ABCA10: variants seen among roughly 807,000 people sequenced by gnomAD.
ABCA10 encodes the protein ATP-binding cassette sub-family A member 10.
Under a neutral mutation model 187.5 loss-of-function variants are expected in ABCA10, and 169 were observed. That is an observed-to-expected ratio of 0.90 (90% CI 0.80 to 1.02). The LOEUF is 1.02. Ranked by LOEUF, ABCA10 falls within the 50% of genes least tolerant of loss-of-function variation. The pLI, the probability that ABCA10 is intolerant of heterozygous loss-of-function variation, is 0.00. For synonymous variants in ABCA10, 574 were observed against 601.8 expected, an observed-to-expected ratio of 0.95 and a Z score of 0.68; for missense variants, 1,727 against 1,812.4, an observed-to-expected ratio of 0.95 and a Z score of 0.86.
rs757531482 is a variant in ABCA10, at chr17:69,150,025, T to C, written c.4436A>G (p.Asp1479Gly). 15 of 1,613,148 alleles carry C rather than the reference T, an allele frequency of 9.3e-6. No homozygotes were observed. In the African/African-American group the frequency reaches 1.9e-4, roughly 20 times the overall value. Residue 1479 changes from aspartate (D) to glycine (G), a missense_variant, in exon 37 of 39, where the codon GAT (aspartate) becomes GGT (glycine). By Grantham distance (94) the Asp-to-Gly change is moderately conservative. Coordinates refer to ENST00000690296, the MANE Select transcript of ABCA10 (RefSeq NM_001377321.1). ...SLMAYKLPVE[D>G]VHPLSRAFFK... is the part of the protein sequence containing the mutation. Reference sequence around the variant, plus strand: ...AAAGGCCCGAGATAGAGGGTGGACATCCTCCACAGGTAACTTATACGCCAT... The same window carrying C: ...AAAGGCCCGAGATAGAGGGTGGACACCCTCCACAGGTAACTTATACGCCAT...
Position 69,152,443 on chromosome 17 carries a change from C to T in ABCA10, c.4175G>A (p.Gly1392Asp). Residue 1392 changes from glycine to aspartate, a missense_variant, in exon 35 of 39, where the codon GGC (glycine) becomes GAC (aspartate). Physicochemically the swap from Gly to Asp is moderately conservative, Grantham distance 94 (BLOSUM62 -1). Coordinates refer to ENST00000690296, the MANE Select transcript of ABCA10 (RefSeq NM_001377321.1). ...LQATVKNKER[G>D]TLLTTHYMSE... ...CATGTAATGGGTGGTCAAGAGGGTG[C>T]CCCTCTCCTTGTTTTTAACGGTAGC... is the stretch of plus-strand genomic sequence containing the variant. 1.2e-6 allele frequency: 2 copies of T among 1,613,664 alleles called. No homozygotes were observed. The highest frequency in any genetic ancestry group is 1.7e-6 in the Non-Finnish European group (2 of 1,179,760).
intron 11 of ABCA10, among the ~76,000 whole-genome samples, chr17:69,195,874 G>C (rs1247434562): frequency 6.6e-6 from 1 of 151,956 alleles, no homozygotes; most frequent in African/African-American, 2.4e-5. Context: ...CAAGGGGTTG[G>C]GGGTAAGGCC....
intron 30 of ABCA10, 28 bp from the exon 31 acceptor site, chr17:69,154,354 T>G (rs1044178662): frequency 3.3e-6 from 5 of 1,537,832 alleles, no homozygotes; most frequent in Non-Finnish European, 4.4e-6. Flanking sequence ...CATCAATATT[T>G]GAATTTTCAA....
rs1190921653 is a variant in ABCA10, at chr17:69,226,329, T to C, written c.-171-800A>G. On this transcript the variant is annotated intron_variant, in intron 2 of 38. Coordinates refer to ENST00000690296, the MANE Select transcript of ABCA10 (RefSeq NM_001377321.1). ...GGATTGACATACTTTTTTTAAATTC[T>C]AGTGAGTAATAAATATAGATGTATC... is the stretch of plus-strand genomic sequence containing the variant. Among the ~76,000 whole-genome samples, 4 of 152,036 alleles carry C rather than the reference T, an allele frequency of 2.6e-5. No homozygotes were observed. The East Asian group carries it at 7.7e-4, about 29-fold the overall frequency.
chr17:69,198,453 C>G (rs1429600615), intron 10 of ABCA10, among the ~76,000 whole-genome samples: 1 of 152,124 alleles, frequency 6.6e-6, no homozygotes, highest in Non-Finnish European at 1.5e-5. Flanking sequence ...TCACGTGAGC[C>G]AAGCATATAC....
chr17:69,179,266 G>C (rs552502786), intron 22 of ABCA10, among the ~76,000 whole-genome samples: 1 of 152,024 alleles, frequency 6.6e-6, no homozygotes, highest in South Asian at 2.1e-4. Context: ...CCCCATGTAA[G>C]AGACCTACCT....
rs1399101665 is a variant in ABCA10 at position 69,197,199 on chromosome 17, C to T, written c.1176-77G>A. On this transcript the variant is annotated intron_variant, in intron 10 of 38. Coordinates refer to ENST00000690296, the MANE Select transcript of ABCA10 (RefSeq NM_001377321.1). ...ACACAGATTACAGTTCATAACTAAG[C>T]CTGAACTTCACAGTAAAGGGTATCA... 8 of 1,176,096 alleles carry T rather than the reference C, an allele frequency of 6.8e-6. No individual in the cohort carries two copies. In the South Asian group the frequency reaches 6.9e-5, roughly 10 times the overall value. 72.9% of individuals were successfully genotyped at this position (1,176,096 alleles called of 1,614,324 possible).
At chr17:69,201,790 A>C in intron 9 of ABCA10, 122 bp from the exon 10 acceptor site, 1 of 909,428 alleles carries the variant, frequency 1.1e-6, no homozygotes, top group Non-Finnish European at 1.5e-6. Flanking sequence ...ATTTATATTT[A>C]TAATTTTTTT....
Position 69,182,214 on chromosome 17 carries a change from G to T in ABCA10, c.2708C>A (p.Ala903Asp). The part of the protein sequence containing the change: ...FPVLMGIVSN[A>D]LMGIFNFTEL... ...CGTGAAGTTAAAAATTCCCATAAGGGCATTGCTAACAATTCCCATAAGAAC... is the reference window on the plus strand; with the variant it reads ...CGTGAAGTTAAAAATTCCCATAAGGTCATTGCTAACAATTCCCATAAGAAC... The change falls in exon 22 of 39, where the codon GCC (alanine) becomes GAC (aspartate). Residue 903 changes from alanine to aspartate, a missense_variant. Coordinates refer to ENST00000690296, the MANE Select transcript of ABCA10 (RefSeq NM_001377321.1). 2 of 1,599,520 alleles carry T rather than the reference G, an allele frequency of 1.3e-6. No homozygotes were observed. The highest frequency in any genetic ancestry group is 1.3e-5 in the African/African-American group (1 of 74,316).
In ABCA10 at chr17:69,153,985, A is replaced by G; in HGVS notation, c.3811T>C (p.Ser1271Pro). 4 of 1,613,878 alleles carry G rather than the reference A, an allele frequency of 2.5e-6. No homozygotes were observed. Among genetic ancestry groups the G allele is most frequent in the Non-Finnish European group, 3.4e-6 (4 of 1,179,886 alleles). The change falls in exon 32 of 39, where the codon TCA becomes CCA. Residue 1271 changes from serine (S) to proline (P), a missense_variant. Transcript: ENST00000690296. ...CTGTTGTCATGCTGTTGCCTTACTG[A>G]TGCTCTGCTGCCTTGTAACACCACC... is the stretch of plus-strand genomic sequence containing the variant. ...GVVVLQGSRA[S>P]VRQQHDNSLK...
chr17:69,162,359 GGCAACA>G, intron 27 of ABCA10, among the ~76,000 whole-genome samples: 1 of 152,184 alleles, frequency 6.6e-6, no homozygotes, highest in East Asian at 1.9e-4. Context: ...AAAGGTCATG[GGCAACA>G]GTTTTTTGGA....
At chr17:69,219,388 T>A (rs746256950) in intron 6 of ABCA10, among the ~76,000 whole-genome samples, 157 bp downstream of exon 6, 5 of 152,218 alleles carry the variant, frequency 3.3e-5, no homozygotes, top group Non-Finnish European at 7.3e-5. Context: ...AATCCTTACT[T>A]ACTTTCTACT....
chr17:69,190,464 G>A lies in ABCA10; in HGVS notation c.2025C>T (p.Asp675=), dbSNP rs1568062001. The A allele has an allele frequency of 1.9e-6, 3 of 1,572,888 alleles. No individual in the cohort carries two copies. The highest frequency in any genetic ancestry group is 2.6e-6 in the Non-Finnish European group (3 of 1,167,982). Residue 675 remains aspartate, a synonymous_variant, in exon 18 of 39, where the codon GAC becomes GAT. Coordinates refer to ENST00000690296, the MANE Select transcript of ABCA10 (RefSeq NM_001377321.1). ...TGCCCTGGTCAGAACACTTATCAAG[G>A]TCACTGTAAAGATCTAAAAAGCCAA... is the stretch of plus-strand genomic sequence containing the variant. ...KTNKFPDLYS[D]LDKCSDQGIR...
upstream of ABCA10, chr17:69,228,925 G>C (rs150785829): frequency 3.5e-4 from 53 of 152,032 alleles, no homozygotes; most frequent in African/African-American, 1.2e-3. Context: ...ATTTACAATT[G>C]CATGGATAAC....
chr17:69,215,717 G>C, intron 8 of ABCA10, 98 bp downstream of exon 8: 1 of 1,166,150 alleles, frequency 8.6e-7, no homozygotes, highest in East Asian at 3.0e-5. Flanking sequence ...TTAAAACACA[G>C]AGTGGCTGAT....
intron 10 of ABCA10, among the ~76,000 whole-genome samples, chr17:69,197,899 C>G (rs1048750438): frequency 6.6e-6 from 1 of 152,184 alleles, no homozygotes; most frequent in African/African-American, 2.4e-5. Flanking sequence ...TAATGATTCC[C>G]AAATTTGTGT....
intron 22 of ABCA10, among the ~76,000 whole-genome samples, chr17:69,181,853 G>T (rs1219678122): frequency 6.6e-6 from 1 of 151,382 alleles, no homozygotes; most frequent in Non-Finnish European, 1.5e-5. Flanking sequence ...GTACACTCAG[G>T]AAGTAGTTAT....
chr17:69,184,164 G>A (rs564848217), intron 20 of ABCA10, among the ~76,000 whole-genome samples: 16 of 152,156 alleles, frequency 1.1e-4, no homozygotes, highest in Admixed American at 3.3e-4. Context: ...TAACTCCATC[G>A]GCCATGCCCC....
At chr17:69,201,407 A>C (rs1763297974) in intron 10 of ABCA10, 93 bp downstream of exon 10, 1 of 1,150,998 alleles carries the variant, frequency 8.7e-7, no homozygotes, top group Non-Finnish European at 1.2e-6. Flanking sequence ...ATAAAAAGAA[A>C]AGAACACATA....
Sources: gnomAD v4.1 joint callset for allele counts (sites outside exome capture counted in the v4.1 genomes callset) on GRCh38, gnomAD v4.1.1 for gene constraint, MANE v1.5 for transcripts, NCBI Gene and HGNC (gene_info 2026-07-23, HGNC 2026-07-21) for gene names.